The following RCN1 variants were observed in gnomAD, a reference collection of about 807,000 sequenced individuals.
RCN1 encodes reticulocalbin-1.
RCN1 carries 14 observed loss-of-function variants against 34.7 expected under a neutral mutation model. That is an observed-to-expected ratio of 0.40 (90% CI 0.27 to 0.63). The LOEUF is 0.63. RCN1 is among the 30% of genes least tolerant of loss of function. The pLI, the probability that RCN1 is intolerant of heterozygous loss-of-function variation, is 0.37. For synonymous variants in RCN1, 125 were observed against 165.5 expected (o/e 0.76, Z 1.88); for missense variants, 326 against 425.1 (o/e 0.77, Z 2.05).
chr11:32,091,837 T>G, intron 1 of RCN1: 1 of 230,590 alleles, frequency 4.3e-6, no homozygotes, highest in Non-Finnish European at 8.3e-6. Context: ...CTCTCGCAGT[T>G]TCTCTCTGAT....
rs566066043 is a variant in RCN1, at chr11:32,098,710, C to T, written c.627+182C>T. Among the ~76,000 whole-genome samples the T allele has an allele frequency of 5.9e-5, 9 of 152,288 alleles. No individual in the cohort carries two copies. In the South Asian group the frequency reaches 1.7e-3, roughly 28 times the overall value. On this transcript the variant is annotated intron_variant, in intron 3 of 5. Transcript: ENST00000054950. ...AGTCAGGTCAGGCTGGCTGCTGTAACAGATAGCCCCCAGTTGTAGCCATTT... is the reference window on the plus strand; with the variant it reads ...AGTCAGGTCAGGCTGGCTGCTGTAATAGATAGCCCCCAGTTGTAGCCATTT...
chr11:32,091,690 G>C (rs916629614), intron 1 of RCN1: 2 of 511,408 alleles, frequency 3.9e-6, no homozygotes, highest in African/African-American at 4.1e-5. Context: ...GGGGAGGCGA[G>C]AACGTGGCAG....
chr11:32,098,668 C>T (rs975465827), intron 3 of RCN1, 140 bp downstream of exon 3: 7 of 712,320 alleles, frequency 9.8e-6, no homozygotes, highest in East Asian at 5.7e-5. Flanking sequence ...TTGGAATCCC[C>T]GTCTACCCAG....
chr11:32,094,105 C>T (rs1444875879), intron 1 of RCN1, among the ~76,000 whole-genome samples: 1 of 152,148 alleles, frequency 6.6e-6, no homozygotes, highest in Non-Finnish European at 1.5e-5. Flanking sequence ...ATTATGGGTC[C>T]TGTTTGGGAT....
chr11:32,098,627 G>A, intron 3 of RCN1, 99 bp downstream of exon 3: 10 of 987,850 alleles, frequency 1.0e-5, no homozygotes, highest in Non-Finnish European at 1.5e-5. Context: ...AGCCTGAAGG[G>A]AATTGGAGAA....
intron 1 of RCN1, among the ~76,000 whole-genome samples, chr11:32,095,974 T>C (rs1851969202): frequency 6.6e-6 from 1 of 152,164 alleles, no homozygotes; most frequent in African/African-American, 2.4e-5. Flanking sequence ...ACATTGATTA[T>C]TCACTCCTCC....
Position 32,104,923 on chromosome 11 carries a change from T to C in RCN1, c.*451T>C, listed in dbSNP as rs1852091462. 5.7e-6 allele frequency: 1 copy of C among 176,434 alleles called. No homozygotes were observed. The highest frequency in any genetic ancestry group is 6.1e-5 in the Admixed American group (1 of 16,416). 10.9% of individuals were successfully genotyped at this position (176,434 alleles called of 1,614,324 possible). A position where few individuals can be genotyped will look rare whatever the true frequency, so the allele number is the denominator to read the frequency against. ...AAATTCTGATTAAGCGAAAGTGGTA[T>C]CATCCTAGGTAAGCTTATTTCAGAA... On this transcript the variant is annotated 3_prime_UTR_variant, in exon 6 of 6. Transcript: ENST00000054950.
intron 2 of RCN1, 37 bp downstream of exon 2, chr11:32,097,374 C>A (rs772528351): frequency 1.4e-5 from 20 of 1,456,442 alleles, no homozygotes; most frequent in Non-Finnish European, 1.6e-5. Flanking sequence ...ACAGTGGGGG[C>A]CCAGATCACA....
At chr11:32,091,789 C>G (rs1224706530) in intron 1 of RCN1, 1 of 326,422 alleles carries the variant, frequency 3.1e-6, no homozygotes, top group African/African-American at 2.2e-5. Context: ...AAGAGTTTGT[C>G]CACAGTGGCC....
At position 32,099,162 on chromosome 11, in the gene RCN1, A is replaced by G. The variant is rs574849114; in HGVS notation, c.627+634A>G. ...TTGAAATGCTGTCTCTACTAAAGAT[A>G]CAAAAAAAATTAGCCAGGCATGGTG... On this transcript the variant is annotated intron_variant, in intron 3 of 5. Coordinates refer to ENST00000054950, the MANE Select transcript of RCN1 (RefSeq NM_002901.4). Among the ~76,000 whole-genome samples, 6 of 152,310 alleles carry G rather than the reference A, an allele frequency of 3.9e-5. No individual in the cohort carries two copies. In the South Asian group the frequency reaches 1.2e-3, roughly 32 times the overall value.
In RCN1 at chr11:32,098,382, C is replaced by T; in HGVS notation, c.481C>T (p.His161Tyr). 4 of 1,613,484 alleles carry T rather than the reference C, an allele frequency of 2.5e-6. No individual in the cohort carries two copies. The highest frequency in any genetic ancestry group is 3.4e-6 in the Non-Finnish European group (4 of 1,179,840). ...CGCAGAGTTTCATGATTCTTCAGAT[C>T]ATCACACCTTTAAAAAGATGCTGCC... Reference protein sequence around the residue: ...NPAEFHDSSDHHTFKKMLPRD... With the variant: ...NPAEFHDSSDYHTFKKMLPRD... The change falls in exon 3 of 6, where the codon CAT becomes TAT. Residue 161 changes from histidine (H) to tyrosine (Y), a missense_variant. By Grantham distance (83) the His-to-Tyr change is moderately conservative. Transcript: ENST00000054950.
chr11:32,092,477 A>C (rs766823053), intron 1 of RCN1, among the ~76,000 whole-genome samples: 1 of 151,918 alleles, frequency 6.6e-6, no homozygotes, highest in African/African-American at 2.4e-5. Context: ...TTCTTTGGCA[A>C]CTGATTTGTT....
At chr11:32,094,616 T>C (rs1269304087) in intron 1 of RCN1, among the ~76,000 whole-genome samples, 2 of 152,244 alleles carry the variant, frequency 1.3e-5, no homozygotes, top group Non-Finnish European at 2.9e-5. Context: ...CATTTATTCA[T>C]GCAACAAACA....
chr11:32,097,442 C>A, intron 2 of RCN1, 105 bp downstream of exon 2: 1 of 753,156 alleles, frequency 1.3e-6, no homozygotes, highest in Non-Finnish European at 2.0e-6. Flanking sequence ...GGAGATGTCA[C>A]AGCCTCCTAA....
At chr11:32,095,538 G>A (rs2133473359) in intron 1 of RCN1, among the ~76,000 whole-genome samples, 1 of 152,230 alleles carries the variant, frequency 6.6e-6, no homozygotes, top group African/African-American at 2.4e-5. Flanking sequence ...CTCCCGAGTA[G>A]CTGGGACTAC....
chr11:32,103,164 G>A (rs1852065674), intron 4 of RCN1, 117 bp from the exon 5 acceptor site: 2 of 810,840 alleles, frequency 2.5e-6, no homozygotes, highest in Non-Finnish European at 4.2e-6. Flanking sequence ...TTTGAGTTAG[G>A]TCTCTGGATT....
At chr11:32,096,098 C>A (rs1158844157) in intron 1 of RCN1, among the ~76,000 whole-genome samples, 1 of 152,140 alleles carries the variant, frequency 6.6e-6, no homozygotes, top group Admixed American at 6.5e-5. Flanking sequence ...GATTAATTGC[C>A]ACTCAGAATG....
At chr11:32,094,945 T>C (rs1185209987) in intron 1 of RCN1, among the ~76,000 whole-genome samples, 4 of 152,242 alleles carry the variant, frequency 2.6e-5, no homozygotes. Flanking sequence ...ACAACAAATA[T>C]TTATTGAGTC....
At chr11:32,093,466 A>G (rs1257959609) in intron 1 of RCN1, among the ~76,000 whole-genome samples, 2 of 152,218 alleles carry the variant, frequency 1.3e-5, no homozygotes, top group Non-Finnish European at 2.9e-5. Flanking sequence ...CTGTGAGCAC[A>G]TTCAGGAGAA....
Sources: allele counts gnomAD v4.1 joint callset (sites outside exome capture counted in the v4.1 genomes callset), GRCh38; gene constraint gnomAD v4.1.1; transcripts MANE v1.5; gene names NCBI Gene and HGNC (gene_info 2026-07-23, HGNC 2026-07-21).